PLA2G4E: variants seen among roughly 807,000 people sequenced by gnomAD.
PLA2G4E encodes phospholipase A2 group IVE, also known as cytosolic phospholipase A2 epsilon.
A neutral mutation model predicts 109.1 loss-of-function variants in PLA2G4E; 84 were observed. That is an observed-to-expected ratio of 0.77 (90% CI 0.65 to 0.92). The LOEUF is 0.92. Ranked by LOEUF, PLA2G4E falls within the 40% of genes least tolerant of loss-of-function variation. The pLI, the probability that PLA2G4E is intolerant of heterozygous loss-of-function variation, is 0.00. For synonymous variants in PLA2G4E, 469 were observed against 436.1 expected, an observed-to-expected ratio of 1.08 and a Z score of -0.94; for missense variants, 1,057 against 1,076.6, an observed-to-expected ratio of 0.98 and a Z score of 0.25.
In PLA2G4E at chr15:42,002,656, C is replaced by G. The variant is rs1184233950; in HGVS notation, c.607G>C (p.Val203Leu). Reference sequence around the variant, plus strand: ...CAGGAACCCAGGAAGATAATTACCACCAGCACGCCATTGGTGACGAGGGTC... The same window carrying G: ...CAGGAACCCAGGAAGATAATTACCAGCAGCACGCCATTGGTGACGAGGGTC... The change falls in exon 6 of 20, where the codon GTG becomes CTG. Residue 203 changes from valine (V) to leucine (L), a missense_variant and splice_region_variant. By Grantham distance (32) the Val-to-Leu change is conservative. Transcript: ENST00000399518. The G allele has an allele frequency of 3.8e-6, 6 of 1,584,710 alleles. No individual in the cohort carries two copies. The highest frequency in any genetic ancestry group is 1.7e-4 in the Middle Eastern group (1 of 6,038).
At chr15:42,006,292 G>A (rs796659058) in intron 3 of PLA2G4E, 171 bp from the exon 4 acceptor site, 16 of 733,912 alleles carry the variant, frequency 2.2e-5, no homozygotes, top group Non-Finnish European at 3.1e-5. Flanking sequence ...AATTAAGGAA[G>A]GCAAGTGTCT....
chr15:42,035,265 A>T (rs77301384), intron 1 of PLA2G4E, among the ~76,000 whole-genome samples: 10,091 of 152,200 alleles, frequency 0.066, 446 homozygotes, highest in Non-Finnish European at 0.092. Flanking sequence ...GGAAGTCAAC[A>T]CTGTCATATG....
intron 3 of PLA2G4E, among the ~76,000 whole-genome samples, chr15:42,006,810 A>T (rs1486150922): frequency 6.6e-6 from 1 of 152,096 alleles, no homozygotes; most frequent in Non-Finnish European, 1.5e-5. Context: ...TAGTGGACAT[A>T]AGGTGGTTCT....
intron 1 of PLA2G4E, among the ~76,000 whole-genome samples, chr15:42,028,625 T>C (rs767216897): frequency 7.2e-5 from 11 of 152,120 alleles, no homozygotes; most frequent in Non-Finnish European, 1.0e-4. Flanking sequence ...CAGGCTGGTG[T>C]CAAACTCCTG....
chr15:42,019,524 G>A (rs1365993383), intron 1 of PLA2G4E, among the ~76,000 whole-genome samples: 1 of 152,156 alleles, frequency 6.6e-6, no homozygotes, highest in Non-Finnish European at 1.5e-5. Flanking sequence ...CCTCCCCAGG[G>A]CTTCTCAGGT....
chr15:42,010,968 G>A (rs2068529756), intron 2 of PLA2G4E, among the ~76,000 whole-genome samples: 4 of 152,176 alleles, frequency 2.6e-5, no homozygotes, highest in Admixed American at 2.0e-4. Context: ...AAAAAATTTG[G>A]GACAAGGGTA....
At chr15:42,049,469 A>G (rs1016617160) in intron 1 of PLA2G4E, among the ~76,000 whole-genome samples, 2 of 152,178 alleles carry the variant, frequency 1.3e-5, no homozygotes, top group East Asian at 1.9e-4. Flanking sequence ...GCTGGGGGAC[A>G]TACTCCCCCA....
chr15:42,006,546 G>T (rs761584268), intron 3 of PLA2G4E, among the ~76,000 whole-genome samples: 2 of 152,274 alleles, frequency 1.3e-5, no homozygotes, highest in Non-Finnish European at 1.5e-5. Context: ...TCCAGATTAG[G>T]GAATCGAACA....
intron 4 of PLA2G4E, among the ~76,000 whole-genome samples, 199 bp downstream of exon 4, chr15:42,005,791 G>A (rs1254333517): frequency 4.6e-5 from 7 of 152,264 alleles, no homozygotes; most frequent in Non-Finnish European, 1.0e-4. Flanking sequence ...TTTTGTAGAT[G>A]AGGAAACAGA....
At chr15:41,986,134 G>T in intron 17 of PLA2G4E, 129 bp from the exon 18 acceptor site, 1 of 891,688 alleles carries the variant, frequency 1.1e-6, no homozygotes, top group Non-Finnish European at 1.7e-6. Context: ...CGCCCACTGA[G>T]TTCCAGTGCC....
At chr15:42,046,512 G>A (rs1178743156) in intron 1 of PLA2G4E, among the ~76,000 whole-genome samples, 2 of 152,092 alleles carry the variant, frequency 1.3e-5, no homozygotes, top group Admixed American at 6.5e-5. Flanking sequence ...CTCATCATTC[G>A]GATCTTAGTT....
intron 1 of PLA2G4E, among the ~76,000 whole-genome samples, chr15:42,031,889 C>T (rs1008631673): frequency 2.6e-5 from 4 of 152,174 alleles, no homozygotes; most frequent in African/African-American, 9.7e-5. Context: ...TTTGTCTCCT[C>T]CAAATCTCAT....
At chr15:42,004,225 C>G (rs889479700) in intron 5 of PLA2G4E, among the ~76,000 whole-genome samples, 1 of 152,010 alleles carries the variant, frequency 6.6e-6, no homozygotes, top group Non-Finnish European at 1.5e-5. Flanking sequence ...TCGCTTGAAT[C>G]CAGGAGGTGG....
intron 1 of PLA2G4E, among the ~76,000 whole-genome samples, chr15:42,040,730 G>A (rs987352455): frequency 6.6e-6 from 1 of 152,218 alleles, no homozygotes; most frequent in African/African-American, 2.4e-5. Flanking sequence ...TGGTAGTAAT[G>A]TGTATGTCCG....
chr15:42,032,716 G>A (rs1479335975), intron 1 of PLA2G4E, among the ~76,000 whole-genome samples: 1 of 152,238 alleles, frequency 6.6e-6, no homozygotes, highest in East Asian at 1.9e-4. Context: ...GCCTGGTGAG[G>A]CTATGCCATG....
intron 1 of PLA2G4E, 137 bp from the exon 2 acceptor site, chr15:42,013,894 T>C: frequency 1.6e-6 from 1 of 611,440 alleles, no homozygotes; most frequent in South Asian, 2.2e-5. Flanking sequence ...TTTTTTTTTT[T>C]TTTTTTTTTT....
exon 12 of PLA2G4E, chr15:41,995,491 C>T (rs376107431): frequency 8.1e-6 from 13 of 1,613,604 alleles, no homozygotes; most frequent in South Asian, 2.2e-5. Context: ...TGGCTATCAG[C>T]GGCACCTGGG....
intron 3 of PLA2G4E, among the ~76,000 whole-genome samples, chr15:42,006,568 A>T (rs768319515): frequency 2.0e-5 from 3 of 152,208 alleles, no homozygotes; most frequent in Non-Finnish European, 4.4e-5. Context: ...CTAACACTCC[A>T]GGGAGTGATG....
chr15:42,034,508 A>G (rs988794561), intron 1 of PLA2G4E, among the ~76,000 whole-genome samples: 2 of 152,002 alleles, frequency 1.3e-5, no homozygotes, highest in Non-Finnish European at 2.9e-5. Flanking sequence ...TTCCTTTAGG[A>G]TCTTATGGAG....
Sources: gnomAD v4.1 joint callset for allele counts (sites outside exome capture counted in the v4.1 genomes callset) on GRCh38, gnomAD v4.1.1 for gene constraint, MANE v1.5 for transcripts, NCBI Gene and HGNC (gene_info 2026-07-23, HGNC 2026-07-21) for gene names.